The following TTLL11 variants were observed in gnomAD, a reference collection of about 807,000 sequenced individuals.
TTLL11 encodes tubulin tyrosine ligase like 11, also known as tubulin polyglutamylase TTLL11.
TTLL11 carries 42 observed loss-of-function variants against 51.7 expected under a neutral mutation model. The observed-to-expected ratio is 0.81, with a 90% CI of 0.64 to 1.05. The LOEUF (loss-of-function observed/expected upper bound fraction) is 1.05. Among genes scored for constraint, TTLL11 ranks in the 50% least tolerant of loss-of-function variants. The pLI, the probability that TTLL11 is intolerant of heterozygous loss-of-function variation, is 0.00. For missense variants in TTLL11, 799 were observed against 940.4 expected (o/e 0.85, Z 1.97); for synonymous variants, 381 against 383.5 (o/e 0.99, Z 0.08).
chr9:122,070,452 T>G (rs549943821), intron 1 of TTLL11, among the ~76,000 whole-genome samples: 1 of 152,040 alleles, frequency 6.6e-6, no homozygotes, highest in South Asian at 2.1e-4. Context: ...GAACATCAAC[T>G]CCACAGCCCT....
At chr9:121,893,008 A>G (rs1228961017) in intron 6 of TTLL11, among the ~76,000 whole-genome samples, 1 of 152,170 alleles carries the variant, frequency 6.6e-6, no homozygotes. Flanking sequence ...TTCACAACCT[A>G]TGGTCCCAGA....
chr9:121,984,695 G>T (rs4837930), intron 4 of TTLL11, among the ~76,000 whole-genome samples: 5,836 of 152,082 alleles, frequency 0.038, 114 homozygotes, highest in African/African-American at 0.057. Flanking sequence ...GATTTAGGAA[G>T]AGCATCTCCT....
chr9:122,044,128 G>A lies in TTLL11; in HGVS notation c.463-4760C>T, dbSNP rs539725909. ...GCAGTGTTTGGTTTTTTGTCCTTGC[G>A]ATAGTTTGCTGAGAATGATGGTTTC... On this transcript the variant is annotated intron_variant, in intron 1 of 8. Transcript: ENST00000321582. Among the ~76,000 whole-genome samples the A allele has an allele frequency of 2.1e-3, 327 of 152,160 alleles. 2 individuals carry two copies. The highest frequency in any genetic ancestry group is 7.4e-3 in the African/African-American group (308 of 41,496).
At position 121,853,558 on chromosome 9, in the gene TTLL11, C is replaced by G. The variant is rs1480023880; in HGVS notation, c.1840+6779G>C. Among the ~76,000 whole-genome samples the G allele has an allele frequency of 4.6e-5, 7 of 152,110 alleles. No individual in the cohort carries two copies. Among genetic ancestry groups the G allele is most frequent in the African/African-American group, 1.7e-4 (7 of 41,412 alleles). On this transcript the variant is annotated intron_variant, in intron 8 of 8. Coordinates refer to ENST00000321582, the MANE Select transcript of TTLL11 (RefSeq NM_001139442.2). The surrounding 1 kb of genome is among the most constrained non-coding windows in gnomAD (Gnocchi z 5.6). The stretch of plus-strand genomic sequence containing the variant: ...GCAGAGTGGACAGGGGTCCAGCTCT[C>G]AAGGCCCTGAAATGCGCCAATGTCC...
At chr9:121,971,755 A>AAAAAAG (rs1203310549) in intron 6 of TTLL11, among the ~76,000 whole-genome samples, 3 of 150,272 alleles carry the variant, frequency 2.0e-5, no homozygotes, top group African/African-American at 4.9e-5. Context: ...GGAAAAAAAA[A>AAAAAAG]AAAAAAGAAA....
chr9:122,079,351 C>T (rs1845940873), intron 1 of TTLL11, among the ~76,000 whole-genome samples: 1 of 152,084 alleles, frequency 6.6e-6, no homozygotes, highest in Non-Finnish European at 1.5e-5. Flanking sequence ...TTTAATGCAG[C>T]TCTTAATGTA....
At chr9:121,955,058 G>A (rs1452999321) in intron 6 of TTLL11, among the ~76,000 whole-genome samples, 3 of 152,214 alleles carry the variant, frequency 2.0e-5, no homozygotes, top group Non-Finnish European at 4.4e-5. Flanking sequence ...GGTCAGAGCC[G>A]CCTTTCCACA....
At chr9:121,845,934 T>C (rs4837901) in intron 8 of TTLL11, among the ~76,000 whole-genome samples, 101,868 of 152,046 alleles carry the variant, frequency 0.67, 34,536 homozygotes, top group East Asian at 0.77. Context: ...TCAATAAGTA[T>C]TTTAAATGTG....
At chr9:121,962,584 C>A (rs1406186598) in intron 6 of TTLL11, among the ~76,000 whole-genome samples, 1 of 152,238 alleles carries the variant, frequency 6.6e-6, no homozygotes, top group Non-Finnish European at 1.5e-5. Flanking sequence ...AAGTTGTCTA[C>A]TATCAGTGAT....
intron 6 of TTLL11, among the ~76,000 whole-genome samples, chr9:121,971,048 GC>G (rs1564333706): frequency 2.1e-5 from 3 of 141,492 alleles, no homozygotes; most frequent in Non-Finnish European, 3.1e-5. Context: ...CCGGTCAGCC[GC>G]CCCGTCCGGG....
intron 6 of TTLL11, among the ~76,000 whole-genome samples, chr9:121,941,214 C>T (rs912952472): frequency 2.0e-5 from 3 of 152,218 alleles, no homozygotes; most frequent in African/African-American, 4.8e-5. Context: ...CAAGTCAATC[C>T]GCGTTCATCA....
chr9:121,929,030 C>T (rs1337741056), intron 6 of TTLL11, among the ~76,000 whole-genome samples: 1 of 152,190 alleles, frequency 6.6e-6, no homozygotes, highest in East Asian at 1.9e-4. Flanking sequence ...CTATCAGAGA[C>T]AACCTTTGTG....
chr9:122,092,847 G>C lies in TTLL11; in HGVS notation c.302C>G (p.Pro101Arg). ...GCCCTTGTCCCGGGGCTTCCCGTGCGGGCAGAGGCCCTGCACCGGCTTCGG... is the reference window on the plus strand; with the variant it reads ...GCCCTTGTCCCGGGGCTTCCCGTGCCGGCAGAGGCCCTGCACCGGCTTCGG... ...SKPKPVQGLC[P>R]HGKPRDKGRS... Residue 101 changes from proline (P) to arginine (R), a missense_variant, in exon 1 of 9, where the codon CCG (proline) becomes CGG (arginine). By Grantham distance (103) the Pro-to-Arg change is moderately radical. This residue lies in a region of TTLL11 where 166 missense variants were observed against 161.6 expected (regional missense o/e 1.03). Transcript: ENST00000321582. 10 of 1,567,150 alleles carry C rather than the reference G, an allele frequency of 6.4e-6. No individual in the cohort carries two copies. Among genetic ancestry groups the C allele is most frequent in the Non-Finnish European group, 8.6e-6 (10 of 1,164,014 alleles).
intron 3 of TTLL11, among the ~76,000 whole-genome samples, chr9:122,018,880 T>G (rs1844076298): frequency 6.6e-6 from 1 of 152,262 alleles, no homozygotes; most frequent in African/African-American, 2.4e-5. Context: ...AGCAGTCACC[T>G]AACTCAGTCT....
intron 8 of TTLL11, among the ~76,000 whole-genome samples, chr9:121,826,557 G>GTGTGTATATATATATGTGTA (rs1189626793): frequency 1.9e-5 from 1 of 51,346 alleles, no homozygotes; most frequent in African/African-American, 7.1e-5. Flanking sequence ...ATATGTGTGT[G>GTGTGTATATATATATGTGTA]TATATATATA....
chr9:121,977,078 CA>C (rs943312150), intron 4 of TTLL11, among the ~76,000 whole-genome samples: 5 of 152,126 alleles, frequency 3.3e-5, no homozygotes, highest in Admixed American at 3.3e-4. Flanking sequence ...GTTCAATGCC[CA>C]GTGGTTTCAT....
At chr9:121,843,142 C>T (rs778449273) in intron 8 of TTLL11, among the ~76,000 whole-genome samples, 1 of 151,814 alleles carries the variant, frequency 6.6e-6, no homozygotes, top group Non-Finnish European at 1.5e-5. Flanking sequence ...TCAAGACCAG[C>T]CTCAGCAACA....
chr9:121,879,638 C>T (rs1489022772), intron 6 of TTLL11, among the ~76,000 whole-genome samples: 2 of 152,152 alleles, frequency 1.3e-5, no homozygotes, highest in Non-Finnish European at 2.9e-5. Context: ...CTAAGGCCCC[C>T]GGACTTCTCA....
intron 6 of TTLL11, among the ~76,000 whole-genome samples, chr9:121,884,403 C>T (rs887966986): frequency 3.3e-5 from 5 of 152,184 alleles, no homozygotes; most frequent in African/African-American, 1.2e-4. Context: ...AAGCGCGGAG[C>T]TGAAGTCAGA....
Sources: allele counts gnomAD v4.1 joint callset (sites outside exome capture counted in the v4.1 genomes callset), GRCh38; gene constraint gnomAD v4.1.1; regional missense constraint gnomAD v4.1.1; non-coding constraint Gnocchi (gnomAD v3.1); transcripts MANE v1.5; gene names NCBI Gene and HGNC (gene_info 2026-07-23, HGNC 2026-07-21).